ARL15: variants seen among roughly 807,000 people sequenced by gnomAD.
ARL15 encodes ADP-ribosylation factor-like protein 15.
A neutral mutation model predicts 25.2 loss-of-function variants in ARL15; 19 were observed. The observed-to-expected ratio is 0.75, with a 90% confidence interval of 0.53 to 1.10. ARL15 has a LOEUF of 1.10. ARL15 is among the 50% of genes least tolerant of loss of function. The probability of loss-of-function intolerance (pLI) is 0.00; values close to 1 mark genes in which losing one functional copy is unlikely to be tolerated. For missense variants in ARL15, 220 were observed against 246.0 expected, an observed-to-expected ratio of 0.89 and a Z score of 0.71; for synonymous variants, 94 against 86.8, an observed-to-expected ratio of 1.08 and a Z score of -0.46.
chr5:54,025,809 G>C (rs1749773697), intron 4 of ARL15, among the ~76,000 whole-genome samples: 1 of 152,080 alleles, frequency 6.6e-6, no homozygotes, highest in Non-Finnish European at 1.5e-5. Context: ...TTTCCGGGAG[G>C]ATTTTACTTG....
At chr5:54,286,775 T>C (rs250382) in intron 1 of ARL15, among the ~76,000 whole-genome samples, 40,767 of 151,950 alleles carry the variant, frequency 0.27, 6,756 homozygotes, top group African/African-American at 0.47. Flanking sequence ...GTACCACTTA[T>C]CTTGGAGGAT....
At chr5:53,988,813 A>T (rs557854160) in intron 4 of ARL15, among the ~76,000 whole-genome samples, 1 of 152,342 alleles carries the variant, frequency 6.6e-6, no homozygotes, top group East Asian at 1.9e-4. Flanking sequence ...TAGAATTCTA[A>T]GTACTACCAA....
intron 4 of ARL15, among the ~76,000 whole-genome samples, chr5:53,970,496 GA>G (rs1747708140): frequency 1.3e-5 from 2 of 152,030 alleles, no homozygotes; most frequent in African/African-American, 2.4e-5. Context: ...AAGAGAGAGA[GA>G]GAGGGAGAGA....
At chr5:54,097,021 C>T (rs1752308898) in intron 4 of ARL15, among the ~76,000 whole-genome samples, 1 of 152,106 alleles carries the variant, frequency 6.6e-6, no homozygotes, top group African/African-American at 2.4e-5. Flanking sequence ...AAACAAGTTA[C>T]ATATATTTTA....
At chr5:54,284,314 A>G (rs12153418) in intron 1 of ARL15, among the ~76,000 whole-genome samples, 18,181 of 152,164 alleles carry the variant, frequency 0.12, 1,377 homozygotes, top group East Asian at 0.41. Context: ...CATGTTTCCC[A>G]GGCTGGTCTC....
chr5:53,948,411 T>A (rs1369660320), intron 4 of ARL15, among the ~76,000 whole-genome samples: 2 of 152,218 alleles, frequency 1.3e-5, no homozygotes, highest in Admixed American at 1.3e-4. Flanking sequence ...CTTGTAAAAT[T>A]TGCCCTGATG....
rs1229832106 is a variant in ARL15 at position 54,267,514 on chromosome 5, T to C, written c.48+42918A>G. 4.6e-5 allele frequency among the ~76,000 whole-genome samples: 7 copies of C among 152,338 alleles called. No individual in the cohort carries two copies. In the East Asian group the frequency reaches 1.2e-3, roughly 25 times the overall value. The stretch of plus-strand genomic sequence containing the variant: ...TTAAGTTGACATCTAGTTTGATAAG[T>C]TGCATAAGGACATAATTTCCAACTT... On this transcript the variant is annotated intron_variant, in intron 1 of 4. Coordinates refer to ENST00000504924, the MANE Select transcript of ARL15 (RefSeq NM_019087.3).
intron 1 of ARL15, among the ~76,000 whole-genome samples, chr5:54,239,629 T>C (rs1457352281): frequency 6.6e-6 from 1 of 152,182 alleles, no homozygotes; most frequent in Non-Finnish European, 1.5e-5. Flanking sequence ...TTCTGAAATA[T>C]GAGGACAAAA....
At chr5:54,269,548 A>G (rs1757723472) in intron 1 of ARL15, among the ~76,000 whole-genome samples, 1 of 152,270 alleles carries the variant, frequency 6.6e-6, no homozygotes, top group East Asian at 1.9e-4. Context: ...TGACAAATCC[A>G]TAATGTATAA....
At chr5:54,163,979 T>C (rs1384270229) in intron 2 of ARL15, among the ~76,000 whole-genome samples, 2 of 152,028 alleles carry the variant, frequency 1.3e-5, no homozygotes, top group Non-Finnish European at 2.9e-5. Context: ...GAAGCTGAGG[T>C]CATTGATTTG....
intron 4 of ARL15, among the ~76,000 whole-genome samples, chr5:53,947,244 A>G (rs1746780905): frequency 7.2e-6 from 1 of 139,568 alleles, no homozygotes; most frequent in Non-Finnish European, 1.5e-5. Flanking sequence ...GAGAAGGAGA[A>G]TTAAAGGCAG....
At chr5:54,102,341 T>C (rs1752464938) in intron 4 of ARL15, among the ~76,000 whole-genome samples, 1 of 152,104 alleles carries the variant, frequency 6.6e-6, no homozygotes. Flanking sequence ...TGAAACTATA[T>C]GAAAACTGAG....
Position 54,037,679 on chromosome 5 carries a change from C to T in ARL15, c.462+75523G>A, listed in dbSNP as rs537834983. ...CCATTGTGAACTTCAGGGATGATTA[C>T]GGTATTTAATAATGAAATGCTTAAG... is the stretch of plus-strand genomic sequence containing the variant. On this transcript the variant is annotated intron_variant, in intron 4 of 4. Coordinates refer to ENST00000504924, the MANE Select transcript of ARL15 (RefSeq NM_019087.3). Among the ~76,000 whole-genome samples the T allele has an allele frequency of 3.7e-4, 56 of 152,114 alleles. 2 individuals carry two copies. In the South Asian group the frequency reaches 9.7e-3, roughly 26 times the overall value.
At chr5:54,190,469 A>G (rs1272935943) in intron 1 of ARL15, among the ~76,000 whole-genome samples, 2 of 152,202 alleles carry the variant, frequency 1.3e-5, no homozygotes, top group Non-Finnish European at 2.9e-5. Flanking sequence ...CTCCAACAAA[A>G]TACGTAATTT....
At chr5:54,205,575 C>T (rs994656066) in intron 1 of ARL15, among the ~76,000 whole-genome samples, 2 of 152,174 alleles carry the variant, frequency 1.3e-5, no homozygotes, top group African/African-American at 4.8e-5. Context: ...TATAACCTTA[C>T]AGAAGCTGAG....
chr5:53,938,909 T>C (rs1304894070), intron 4 of ARL15, among the ~76,000 whole-genome samples: 1 of 152,250 alleles, frequency 6.6e-6, no homozygotes, highest in Non-Finnish European at 1.5e-5. Flanking sequence ...CTTGGCAGTC[T>C]GGCCATATTA....
intron 4 of ARL15, among the ~76,000 whole-genome samples, chr5:53,911,079 G>A (rs550156313): frequency 1.5e-4 from 23 of 152,194 alleles, no homozygotes; most frequent in African/African-American, 5.1e-4. Context: ...CAGAATACAC[G>A]AAGCTTCATT....
intron 4 of ARL15, among the ~76,000 whole-genome samples, chr5:54,105,082 T>G (rs992162616): frequency 6.6e-6 from 1 of 151,426 alleles, no homozygotes; most frequent in Non-Finnish European, 1.5e-5. Flanking sequence ...TAACTAACGC[T>G]TATTGTGCTT....
chr5:53,980,109 C>T (rs190418792), intron 4 of ARL15, among the ~76,000 whole-genome samples: 14 of 94,354 alleles, frequency 1.5e-4, no homozygotes, highest in Non-Finnish European at 3.0e-4. Flanking sequence ...CCTATGATTC[C>T]TAAATTATAC....
Sources: allele counts gnomAD v4.1 joint callset (sites outside exome capture counted in the v4.1 genomes callset), GRCh38; gene constraint gnomAD v4.1.1; transcripts MANE v1.5; gene names NCBI Gene and HGNC (gene_info 2026-07-23, HGNC 2026-07-21).